STAB2: variants seen among roughly 807,000 people sequenced by gnomAD.
The protein encoded by STAB2 is stabilin 2.
Under a neutral mutation model 338.1 loss-of-function variants are expected in STAB2, and 288 were observed. The observed-to-expected ratio is 0.85, with a 90% CI of 0.77 to 0.94. The LOEUF is 0.94. Ranked by LOEUF, STAB2 falls within the 40% of genes least tolerant of loss-of-function variation. The pLI is 0.00. For synonymous variants in STAB2, 1,202 were observed against 1,193.3 expected, an observed-to-expected ratio of 1.01 and a Z score of -0.15; for missense variants, 3,141 against 3,210.1, an observed-to-expected ratio of 0.98 and a Z score of 0.52.
chr12:103,647,670 T>C (rs1873437354), intron 9 of STAB2, among the ~76,000 whole-genome samples: 1 of 152,232 alleles, frequency 6.6e-6, no homozygotes, highest in South Asian at 2.1e-4. Context: ...CATCATCTTA[T>C]TAGTTTGAAA....
chr12:103,627,560 C>T (rs1368487582), intron 5 of STAB2, among the ~76,000 whole-genome samples: 2 of 152,242 alleles, frequency 1.3e-5, no homozygotes, highest in Non-Finnish European at 2.9e-5. Context: ...AAACCCTCTG[C>T]CACTTACGTC....
At position 103,766,311 on chromosome 12, in the gene STAB2, G is replaced by A. The variant is rs758266652; in HGVS notation, c.7631G>A (p.Gly2544Asp). Residue 2544 changes from glycine (G) to aspartate (D), a missense_variant, in exon 69 of 69, where the codon GGC becomes GAC. By Grantham distance (94) the Gly-to-Asp change is moderately conservative. Coordinates refer to ENST00000388887, the MANE Select transcript of STAB2 (RefSeq NM_017564.10). ...GACTCTGAAGAACGGCAGCTTGAGG[G>A]CAATGACCCCTTGAGGACACTGTGA... is the stretch of plus-strand genomic sequence containing the variant. ...FTDSEERQLE[G>D]NDPLRTL 1.9e-6 allele frequency: 3 copies of A among 1,613,944 alleles called. No individual in the cohort carries two copies. The South Asian group carries it at 3.3e-5, about 18-fold the overall frequency.
Position 103,689,868 on chromosome 12 carries a change from T to C in STAB2, c.3068T>C (p.Leu1023Pro), listed in dbSNP as rs1188678371. ...CAGAATGCTTCTCTACAACCCACAC[T>C]GTCAGCCACCTCAAACCTCACTGTC... ...WINNASLQPT[L>P]SATSNLTVLV... The change falls in exon 29 of 69, where the codon CTG becomes CCG. Residue 1023 changes from leucine to proline, a missense_variant. Coordinates refer to ENST00000388887, the MANE Select transcript of STAB2 (RefSeq NM_017564.10). 1.9e-6 allele frequency: 3 copies of C among 1,614,108 alleles called. No homozygotes were observed. The highest frequency in any genetic ancestry group is 2.5e-6 in the Non-Finnish European group (3 of 1,179,982).
chr12:103,762,181 C>A, intron 66 of STAB2, 93 bp from the exon 67 acceptor site: 1 of 1,539,898 alleles, frequency 6.5e-7, no homozygotes, highest in Non-Finnish European at 8.8e-7. Flanking sequence ...TTTTTATCCC[C>A]ACTGGCTCCA....
chr12:103,702,411 G>T (rs1403598934), intron 34 of STAB2, among the ~76,000 whole-genome samples: 1 of 151,558 alleles, frequency 6.6e-6, no homozygotes, highest in African/African-American at 2.4e-5. Context: ...CCGTTCTCCT[G>T]CCTCAGCCTC....
At chr12:103,735,097 C>T (rs888986249) in intron 51 of STAB2, among the ~76,000 whole-genome samples, 1 of 152,192 alleles carries the variant, frequency 6.6e-6, no homozygotes, top group Admixed American at 6.5e-5. Flanking sequence ...TTCTGAGGAA[C>T]TGGGGGTCAG....
chr12:103,715,934 T>TTTAGG, intron 43 of STAB2, 46 bp downstream of exon 43: 1 of 1,601,258 alleles, frequency 6.2e-7, no homozygotes, highest in Admixed American at 1.7e-5. Flanking sequence ...AAAAGGGAAC[T>TTTAGG]CCTAGGTCTT....
intron 56 of STAB2, 38 bp downstream of exon 56, chr12:103,742,592 T>C (rs778494795): frequency 1.2e-6 from 2 of 1,612,780 alleles, no homozygotes; most frequent in South Asian, 1.1e-5. Context: ...AGCTTGTTTT[T>C]TGACTGTGTG....
At chr12:103,650,450 T>C in intron 10 of STAB2, 46 bp from the exon 11 acceptor site, 1 of 1,563,458 alleles carries the variant, frequency 6.4e-7, no homozygotes, top group Non-Finnish European at 8.8e-7. Flanking sequence ...CCTGTACCAC[T>C]GACTCATTTG....
At chr12:103,692,597 C>G (rs939914958) in intron 30 of STAB2, among the ~76,000 whole-genome samples, 29 of 150,932 alleles carry the variant, frequency 1.9e-4, no homozygotes, top group Admixed American at 7.9e-4. Flanking sequence ...CTCTCTGTCT[C>G]TGTGTGTGTG....
intron 3 of STAB2, among the ~76,000 whole-genome samples, chr12:103,619,758 C>CG (rs1411305957): frequency 1.3e-5 from 2 of 151,212 alleles, no homozygotes; most frequent in Admixed American, 6.6e-5. Flanking sequence ...CGCCCCCCGC[C>CG]CCCGCCACCC....
chr12:103,637,008 A>ACC (rs1210070604), intron 6 of STAB2, 103 bp from the exon 7 acceptor site: 2 of 1,273,676 alleles, frequency 1.6e-6, no homozygotes, highest in Non-Finnish European at 2.1e-6. Context: ...AATTATTACA[A>ACC]TGAGTTTGTA....
chr12:103,705,562 C>T, intron 36 of STAB2, 70 bp from the exon 37 acceptor site: 1 of 1,323,062 alleles, frequency 7.6e-7, no homozygotes, highest in East Asian at 2.4e-5. Context: ...CATCACCCAC[C>T]TACTTGCTTT....
chr12:103,622,179 TGAG>T (rs1593152036), intron 5 of STAB2, 68 bp downstream of exon 5: 2 of 1,535,838 alleles, frequency 1.3e-6, no homozygotes, highest in Non-Finnish European at 1.8e-6. Flanking sequence ...GATTGCTCCT[TGAG>T]GAGAAAACAC....
In STAB2 at chr12:103,600,381, T is replaced by G. The variant is rs1956936038; in HGVS notation, c.331+5871T>G. On this transcript the variant is annotated intron_variant, in intron 3 of 68. Transcript: ENST00000388887. ...GATCTCTTAGTCAGCTACAGTTTGCTACAACAAAATACTATAGACTGAGTG... is the reference window on the plus strand; with the variant it reads ...GATCTCTTAGTCAGCTACAGTTTGCGACAACAAAATACTATAGACTGAGTG... Among the ~76,000 whole-genome samples, 3 of 152,338 alleles carry G rather than the reference T, an allele frequency of 2.0e-5. No homozygotes were observed. The South Asian group carries it at 6.2e-4, about 32-fold the overall frequency.
Position 103,638,053 on chromosome 12 carries a change from T to C in STAB2, c.747T>C (p.His249=). The C allele has an allele frequency of 6.2e-7, 1 of 1,614,144 alleles. No homozygotes were observed. The highest frequency in any genetic ancestry group is 8.5e-7 in the Non-Finnish European group (1 of 1,180,006). Residue 249 remains histidine, a synonymous_variant, in exon 8 of 69, where the codon CAT becomes CAC. Coordinates refer to ENST00000388887, the MANE Select transcript of STAB2 (RefSeq NM_017564.10). ...NPCLRKICHP[H]AHCTYLGPNR... ...GTTTACGAAAAATCTGCCACCCTCA[T>C]GCTCATTGTACGTACCTGGGACCAA...
At chr12:103,602,945 T>C (rs1956974997) in intron 3 of STAB2, among the ~76,000 whole-genome samples, 1 of 152,252 alleles carries the variant, frequency 6.6e-6, no homozygotes, top group Non-Finnish European at 1.5e-5. Context: ...TTGTATCATA[T>C]CTAGAAATCT....
rs756921890 is a variant in STAB2 at position 103,725,102 on chromosome 12, G to A, written c.4803+8G>A. On this transcript the variant is annotated splice_region_variant and intron_variant, in intron 45 of 68. Coordinates refer to ENST00000388887, the MANE Select transcript of STAB2 (RefSeq NM_017564.10). The stretch of plus-strand genomic sequence containing the variant: ...CGCGGCAGCATTTATCAGGTAACGC[G>A]AGACATGTTTCCATCAAGTAAACTC... 67 of 1,608,548 alleles carry A rather than the reference G, an allele frequency of 4.2e-5. No individual in the cohort carries two copies. The highest frequency in any genetic ancestry group is 3.3e-4 in the Middle Eastern group (2 of 6,054).
intron 3 of STAB2, among the ~76,000 whole-genome samples, chr12:103,613,322 C>T (rs531710278): frequency 6.6e-6 from 1 of 152,304 alleles, no homozygotes; most frequent in South Asian, 2.1e-4. Flanking sequence ...CCTTGAGCTG[C>T]AGTGGGCTCC....
Sources: gnomAD v4.1 joint callset for allele counts (sites outside exome capture counted in the v4.1 genomes callset) on GRCh38, gnomAD v4.1.1 for gene constraint, MANE v1.5 for transcripts, NCBI Gene and HGNC (gene_info 2026-07-23, HGNC 2026-07-21) for gene names.